Variants in FBXO11 observed in about 807,000 individuals in gnomAD.
FBXO11 encodes the protein F-box protein 11.
In FBXO11, 13 loss-of-function variants were observed where a neutral mutation model predicts 117.0. That is an observed-to-expected ratio of 0.11 (90% CI 0.07 to 0.18). FBXO11 has a LOEUF of 0.18. FBXO11 is among the 10% of genes least tolerant of loss of function. The pLI is 1.00. For synonymous variants in FBXO11, 490 were observed against 380.5 expected, an observed-to-expected ratio of 1.29 and a Z score of -3.35; for missense variants, 767 against 1,164.4, an observed-to-expected ratio of 0.66 and a Z score of 4.97.
At position 47,898,589 on chromosome 2, in the gene FBXO11, A is replaced by G. The variant is rs79811529; in HGVS notation, c.232+6900T>C. ...GAGTGCTTAATGATCTCATCAACAC[A>G]CTGGAAAAACATGCTGGTCAATCAG... On this transcript the variant is annotated intron_variant, in intron 1 of 22. Transcript: ENST00000403359. 5.6e-3 allele frequency among the ~76,000 whole-genome samples: 857 copies of G among 152,318 alleles called. 7 individuals carry two copies. The highest frequency in any genetic ancestry group is 0.027 in the Middle Eastern group (8 of 294).
intron 11 of FBXO11, among the ~76,000 whole-genome samples, chr2:47,830,399 G>A (rs890829367): frequency 6.6e-6 from 1 of 151,906 alleles, no homozygotes; most frequent in African/African-American, 2.4e-5. Context: ...AACAAAAAAT[G>A]GCTGGATGAC....
intron 1 of FBXO11, among the ~76,000 whole-genome samples, chr2:47,885,560 G>A (rs1046753829): frequency 6.6e-6 from 1 of 151,894 alleles, no homozygotes; most frequent in African/African-American, 2.4e-5. Flanking sequence ...GGGCAACATA[G>A]GGAGACTCAG....
chr2:47,899,032 T>C (rs1677890863), intron 1 of FBXO11, among the ~76,000 whole-genome samples: 1 of 151,970 alleles, frequency 6.6e-6, no homozygotes, highest in South Asian at 2.1e-4. Context: ...CCCAGCACTT[T>C]GGGAGGCCGA....
chr2:47,901,086 CATATATATACATATAT>C (rs1481796494), intron 1 of FBXO11, among the ~76,000 whole-genome samples: 2 of 104,750 alleles, frequency 1.9e-5, no homozygotes, highest in African/African-American at 6.9e-5. Flanking sequence ...CACGTGTGTA[CATATATATACATATAT>C]ATGTATATAT....
chr2:47,821,164 A>G (rs1305536331), intron 13 of FBXO11, among the ~76,000 whole-genome samples: 1 of 152,224 alleles, frequency 6.6e-6, no homozygotes, highest in Non-Finnish European at 1.5e-5. Context: ...AATACATACC[A>G]CAGAATAATC....
At chr2:47,884,960 C>A (rs1417304741) in intron 1 of FBXO11, among the ~76,000 whole-genome samples, 1 of 152,116 alleles carries the variant, frequency 6.6e-6, no homozygotes, top group Non-Finnish European at 1.5e-5. Context: ...TATCAGACAT[C>A]TATTAATGAG....
chr2:47,815,212 G>A (rs536053288), intron 16 of FBXO11, among the ~76,000 whole-genome samples: 7 of 152,174 alleles, frequency 4.6e-5, no homozygotes, highest in South Asian at 4.1e-4. Flanking sequence ...GAACATCCAC[G>A]CAGAAATGTG....
At chr2:47,868,752 A>G (rs746939172) in intron 1 of FBXO11, among the ~76,000 whole-genome samples, 1 of 152,220 alleles carries the variant, frequency 6.6e-6, no homozygotes, top group Non-Finnish European at 1.5e-5. Context: ...TTGAGCGTCC[A>G]ATTTGGTAGC....
intron 11 of FBXO11, among the ~76,000 whole-genome samples, chr2:47,825,300 A>G (rs1016467507): frequency 1.1e-4 from 16 of 152,174 alleles, no homozygotes; most frequent in Admixed American, 7.9e-4. Context: ...ACAAATCAGG[A>G]GCTATATAAA....
At position 47,905,759 on chromosome 2, in the gene FBXO11, C is replaced by G. The variant is rs934923877; in HGVS notation, c.-39G>C. The G allele has an allele frequency of 2.0e-6, 3 of 1,504,482 alleles. No individual in the cohort carries two copies. Among genetic ancestry groups the G allele is most frequent in the Non-Finnish European group, 2.7e-6 (3 of 1,129,754 alleles). The allele number at this position is 1,504,482 out of a possible 1,614,324, so 93.2% of individuals were successfully genotyped here. ...GTGGCGGCGTTGGCGGAGGGACACA[C>G]ACACGCACACGCACAGCGAGCTTCG... On this transcript the variant is annotated 5_prime_UTR_variant, in exon 1 of 23. Transcript: ENST00000403359.
At chr2:47,869,225 C>G (rs1389778824) in intron 1 of FBXO11, among the ~76,000 whole-genome samples, 2 of 152,182 alleles carry the variant, frequency 1.3e-5, no homozygotes, top group African/African-American at 2.4e-5. Context: ...TGCTTCTTGT[C>G]TCTGTGAGCT....
intron 21 of FBXO11, chr2:47,808,665 C>T (rs1670394877): frequency 7.4e-6 from 3 of 403,432 alleles, no homozygotes; most frequent in Non-Finnish European, 1.3e-5. Flanking sequence ...GTTCTTTCCA[C>T]TTTAAAAGCC....
At position 47,848,614 on chromosome 2, in the gene FBXO11, T is replaced by C. The variant is rs181116886; in HGVS notation, c.233-8845A>G. On this transcript the variant is annotated intron_variant, in intron 1 of 22. Transcript: ENST00000403359. Reference sequence around the variant, plus strand: ...TATAATATCAAAATTTATTTTATAATTTCTAGATTTTACTACAAATCCTAT... The same window carrying C: ...TATAATATCAAAATTTATTTTATAACTTCTAGATTTTACTACAAATCCTAT... Among the ~76,000 whole-genome samples, 7 of 152,348 alleles carry C rather than the reference T, an allele frequency of 4.6e-5. No individual in the cohort carries two copies. In the South Asian group the frequency reaches 8.3e-4, roughly 18 times the overall value.
chr2:47,809,095 T>C (rs189010845), intron 21 of FBXO11, 63 bp downstream of exon 21: 380 of 1,029,746 alleles, frequency 3.7e-4, no homozygotes, highest in Non-Finnish European at 5.3e-4. Flanking sequence ...ATGCTAGGCA[T>C]TGCTAATTTA....
intron 1 of FBXO11, among the ~76,000 whole-genome samples, chr2:47,863,428 A>G (rs902328754): frequency 2.6e-5 from 4 of 152,244 alleles, no homozygotes; most frequent in South Asian, 2.1e-4. Context: ...CAACACAGCT[A>G]AAGAAAACTT....
intron 11 of FBXO11, among the ~76,000 whole-genome samples, chr2:47,823,912 T>A (rs894040801): frequency 7.9e-5 from 12 of 151,770 alleles, no homozygotes; most frequent in Admixed American, 3.9e-4. Context: ...AGGGGCACAA[T>A]CATAGCTCAC....
intron 14 of FBXO11, among the ~76,000 whole-genome samples, chr2:47,819,519 T>C (rs1252256564): frequency 6.6e-6 from 1 of 152,194 alleles, no homozygotes; most frequent in Admixed American, 6.5e-5. Flanking sequence ...CGGCCAACAT[T>C]CTTTTTATGT....
chr2:47,904,380 G>A (rs994331285), intron 1 of FBXO11, among the ~76,000 whole-genome samples: 5 of 152,170 alleles, frequency 3.3e-5, no homozygotes, highest in Non-Finnish European at 4.4e-5. Flanking sequence ...AGACCAAGGT[G>A]CAACACCCCC....
intron 12 of FBXO11, 104 bp downstream of exon 12, chr2:47,823,039 C>A (rs1296027412): frequency 2.0e-5 from 15 of 734,790 alleles, no homozygotes; most frequent in Non-Finnish European, 3.2e-5. Context: ...TTATAGTAGT[C>A]AAATGTCTAA....
Sources: gnomAD v4.1 joint callset for allele counts (sites outside exome capture counted in the v4.1 genomes callset) on GRCh38, gnomAD v4.1.1 for gene constraint, MANE v1.5 for transcripts, NCBI Gene and HGNC (gene_info 2026-07-23, HGNC 2026-07-21) for gene names.